The following PLCB4 variants were observed in gnomAD, a reference collection of about 807,000 sequenced individuals.
PLCB4 encodes 1-phosphatidylinositol 4,5-bisphosphate phosphodiesterase beta-4.
PLCB4 carries 77 observed loss-of-function variants against 178.8 expected under a neutral mutation model. That is an observed-to-expected ratio of 0.43 (90% CI 0.36 to 0.52). PLCB4 has a LOEUF of 0.52. Ranked by LOEUF, PLCB4 falls within the 20% of genes least tolerant of loss-of-function variation. The pLI is 0.00. For synonymous variants in PLCB4, 496 were observed against 490.8 expected, an observed-to-expected ratio of 1.01 and a Z score of -0.14; for missense variants, 1,024 against 1,453.4, an observed-to-expected ratio of 0.70 and a Z score of 4.80.
intron 2 of PLCB4, among the ~76,000 whole-genome samples, chr20:9,139,495 G>A (rs2092446079): frequency 6.6e-6 from 1 of 152,040 alleles, no homozygotes; most frequent in Non-Finnish European, 1.5e-5. Flanking sequence ...TTCTTTCCAT[G>A]TGGCTTGGGC....
At position 9,194,093 on chromosome 20, in the gene PLCB4, A is replaced by G. The variant is rs1035482330; in HGVS notation, c.-78-23297A>G. 5.3e-5 allele frequency among the ~76,000 whole-genome samples: 8 copies of G among 152,202 alleles called. No homozygotes were observed. In the South Asian group the frequency reaches 6.2e-4, roughly 12 times the overall value. On this transcript the variant is annotated intron_variant, in intron 2 of 39. Transcript: ENST00000378473. ...CGTGTTTTTAAACAACTGAATGATT[A>G]TAAGTAAAGAAATGACTGCCTTGAG... is the stretch of plus-strand genomic sequence containing the variant.
intron 3 of PLCB4, among the ~76,000 whole-genome samples, chr20:9,252,815 C>G (rs1490371784): frequency 1.3e-5 from 2 of 152,132 alleles, no homozygotes; most frequent in Non-Finnish European, 2.9e-5. Flanking sequence ...TCCATTTCCT[C>G]CTGTCTTTGG....
chr20:9,292,007 A>G (rs1173812820), intron 3 of PLCB4, among the ~76,000 whole-genome samples: 2 of 152,186 alleles, frequency 1.3e-5, no homozygotes, highest in African/African-American at 4.8e-5. Context: ...AGGAATTTTG[A>G]TTAAATTGAA....
Position 9,335,301 on chromosome 20 carries a change from A to G in PLCB4, c.85-1825A>G, listed in dbSNP as rs77044534. 5.8e-3 allele frequency among the ~76,000 whole-genome samples: 887 copies of G among 152,206 alleles called. 8 individuals carry two copies. Among genetic ancestry groups the G allele is most frequent in the African/African-American group, 0.019 (791 of 41,530 alleles). Reference sequence around the variant, plus strand: ...TCAGGTGGCACGGAAGACCCTTGCAATGAAACAACTCTTCTATACATGTCC... The same window carrying G: ...TCAGGTGGCACGGAAGACCCTTGCAGTGAAACAACTCTTCTATACATGTCC... On this transcript the variant is annotated intron_variant, in intron 4 of 39. Transcript: ENST00000378473.
chr20:9,301,544 G>A (rs1417021746), intron 3 of PLCB4, among the ~76,000 whole-genome samples: 1 of 152,030 alleles, frequency 6.6e-6, no homozygotes, highest in Non-Finnish European at 1.5e-5. Context: ...AAGACAGCAG[G>A]TTTAAAGACT....
chr20:9,135,875 T>C (rs1346055244), intron 2 of PLCB4, among the ~76,000 whole-genome samples: 2 of 152,158 alleles, frequency 1.3e-5, no homozygotes, highest in Non-Finnish European at 2.9e-5. Context: ...TTCATGTCCC[T>C]TTTACTGCTG....
At chr20:9,311,390 G>A (rs961316838) in intron 4 of PLCB4, among the ~76,000 whole-genome samples, 1 of 152,182 alleles carries the variant, frequency 6.6e-6, no homozygotes, top group Non-Finnish European at 1.5e-5. Context: ...AGTGGCAGCA[G>A]AGGAGAATTG....
intron 4 of PLCB4, among the ~76,000 whole-genome samples, chr20:9,330,332 T>A (rs1306397369): frequency 1.3e-5 from 2 of 152,206 alleles, no homozygotes; most frequent in Non-Finnish European, 2.9e-5. Flanking sequence ...CCTCTTTGTT[T>A]CTCTCCAACC....
In PLCB4 at chr20:9,249,207, C is replaced by A. The variant is rs548573796; in HGVS notation, c.-16+31755C>A. 2.0e-5 allele frequency among the ~76,000 whole-genome samples: 3 copies of A among 152,002 alleles called. No individual in the cohort carries two copies. The East Asian group carries it at 5.8e-4, about 29-fold the overall frequency. ...GATTCAGTTGATTAGCATTTTAATG[C>A]CAGCTTTTTTTTTTAATTTTATTAT... On this transcript the variant is annotated intron_variant, in intron 3 of 39. Coordinates refer to ENST00000378473, the MANE Select transcript of PLCB4 (RefSeq NM_001377142.1).
At chr20:9,229,373 T>C (rs915784686) in intron 3 of PLCB4, among the ~76,000 whole-genome samples, 2 of 152,116 alleles carry the variant, frequency 1.3e-5, no homozygotes, top group Non-Finnish European at 1.5e-5. Context: ...CTAAAATTGA[T>C]TCAGAAATTC....
At chr20:9,354,927 C>T (rs913002759) in intron 7 of PLCB4, among the ~76,000 whole-genome samples, 1 of 152,152 alleles carries the variant, frequency 6.6e-6, no homozygotes, top group Non-Finnish European at 1.5e-5. Context: ...TCATCTAGTT[C>T]AATTGTCCTC....
At chr20:9,433,095 G>A (rs1188591576) in intron 28 of PLCB4, among the ~76,000 whole-genome samples, 2 of 152,024 alleles carry the variant, frequency 1.3e-5, no homozygotes, top group Admixed American at 6.6e-5. Flanking sequence ...GTATTGCCAT[G>A]AGAATCACCG....
At chr20:9,110,916 A>G (rs1166418914) in intron 2 of PLCB4, among the ~76,000 whole-genome samples, 1 of 152,164 alleles carries the variant, frequency 6.6e-6, no homozygotes, top group Non-Finnish European at 1.5e-5. Flanking sequence ...ACCACTTTTG[A>G]TATTGTACTG....
Position 9,213,920 on chromosome 20 carries a change from T to C in PLCB4, c.-78-3470T>C, listed in dbSNP as rs547240103. Among the ~76,000 whole-genome samples the C allele has an allele frequency of 3.3e-5, 5 of 152,336 alleles. No individual in the cohort carries two copies. The South Asian group carries it at 1.0e-3, about 32-fold the overall frequency. ...TCCCTAATGGTTAAGTATCTTTTCA[T>C]GGTTGTATATCTTTTTTGGGAAATG... On this transcript the variant is annotated intron_variant, in intron 2 of 39. Transcript: ENST00000378473.
At chr20:9,303,143 G>C (rs2094725177) in intron 3 of PLCB4, among the ~76,000 whole-genome samples, 1 of 152,076 alleles carries the variant, frequency 6.6e-6, no homozygotes, top group African/African-American at 2.4e-5. Flanking sequence ...CTGCAGATCT[G>C]TTTTATAGCA....
intron 2 of PLCB4, among the ~76,000 whole-genome samples, chr20:9,211,159 C>T (rs1382022753): frequency 3.9e-5 from 6 of 152,132 alleles, no homozygotes. Flanking sequence ...AGGCATTGAT[C>T]CCTTCTGTGT....
intron 3 of PLCB4, among the ~76,000 whole-genome samples, chr20:9,245,213 A>G (rs748511560): frequency 1.3e-5 from 2 of 152,322 alleles, no homozygotes; most frequent in Non-Finnish European, 2.9e-5. Flanking sequence ...GCACCAAGTC[A>G]CTTCTGCTGC....
chr20:9,380,200 AG>A, intron 13 of PLCB4, 38 bp downstream of exon 13: 1 of 1,029,690 alleles, frequency 9.7e-7, no homozygotes, highest in Non-Finnish European at 1.5e-6. Flanking sequence ...AAAAAAAACA[AG>A]AAAAGATGCA....
intron 3 of PLCB4, among the ~76,000 whole-genome samples, chr20:9,220,441 G>C (rs949100005): frequency 6.6e-6 from 1 of 152,148 alleles, no homozygotes; most frequent in African/African-American, 2.4e-5. Flanking sequence ...AGACCAGCCT[G>C]GCCAACATGG....
Sources: allele counts gnomAD v4.1 joint callset (sites outside exome capture counted in the v4.1 genomes callset), GRCh38; gene constraint gnomAD v4.1.1; transcripts MANE v1.5; gene names NCBI Gene and HGNC (gene_info 2026-07-23, HGNC 2026-07-21).